PYDC5: variants seen among roughly 807,000 people sequenced by gnomAD.
PYDC5 encodes pyrin domain-containing protein 5.
At chr1:159,000,788 G>T in the PYDC5 span, among the ~76,000 whole-genome samples, 1 of 152,142 alleles carries the variant, frequency 6.6e-6, no homozygotes, top group Non-Finnish European at 1.5e-5. Flanking sequence ...TGGAGGTGGG[G>T]CTTGACGGGA....
At chr1:159,000,776 G>A in the PYDC5 span, among the ~76,000 whole-genome samples, 1 of 152,298 alleles carries the variant, frequency 6.6e-6, no homozygotes, top group African/African-American at 2.4e-5. Flanking sequence ...GATTCCCAGT[G>A]TTGGAGGTGG....
At chr1:159,000,645 A>G in the PYDC5 span, among the ~76,000 whole-genome samples, 19 of 152,224 alleles carry the variant, frequency 1.2e-4, no homozygotes, top group African/African-American at 3.9e-4. Flanking sequence ...TGTGCAATTT[A>G]AATTTTTTGA....
the PYDC5 span, among the ~76,000 whole-genome samples, chr1:159,001,578 T>G: frequency 6.6e-6 from 1 of 152,266 alleles, no homozygotes; most frequent in East Asian, 1.9e-4. Flanking sequence ...TTAAACTACA[T>G]GAACGCCCCT....
the PYDC5 span, among the ~76,000 whole-genome samples, chr1:159,001,336 T>G: frequency 6.6e-6 from 1 of 152,226 alleles, no homozygotes; most frequent in Non-Finnish European, 1.5e-5. Flanking sequence ...GTTTATGAGC[T>G]GAAGATAACC....
the PYDC5 span, among the ~76,000 whole-genome samples, chr1:159,000,999 A>G: frequency 6.6e-6 from 1 of 152,232 alleles, no homozygotes; most frequent in Non-Finnish European, 1.5e-5. Context: ...CTTAAGCACA[A>G]AAGGTGCAAG....
chr1:159,002,655 T>C, the PYDC5 span, among the ~76,000 whole-genome samples: 2 of 152,276 alleles, frequency 1.3e-5, no homozygotes, highest in African/African-American at 2.4e-5. Flanking sequence ...TTGCTATTTG[T>C]TTATTCTTTA....
chr1:159,001,145 A>G, the PYDC5 span, among the ~76,000 whole-genome samples: 1 of 152,212 alleles, frequency 6.6e-6, no homozygotes, highest in African/African-American at 2.4e-5. Flanking sequence ...TGTGTGTAGA[A>G]CTACATATTG....
the PYDC5 span, among the ~76,000 whole-genome samples, chr1:159,001,291 A>G: frequency 6.6e-6 from 1 of 152,342 alleles, no homozygotes; most frequent in African/African-American, 2.4e-5. Context: ...AGCAACCTAT[A>G]TGGTAGAGGA....
chr1:159,001,909 G>A, the PYDC5 span, among the ~76,000 whole-genome samples: 1 of 152,196 alleles, frequency 6.6e-6, no homozygotes, highest in African/African-American at 2.4e-5. Flanking sequence ...TGTCCCAGGG[G>A]TGTACACACT....
the PYDC5 span, among the ~76,000 whole-genome samples, chr1:159,002,489 CTTGT>C: frequency 6.6e-6 from 1 of 152,112 alleles, no homozygotes; most frequent in African/African-American, 2.4e-5. Context: ...CAGATTTCTG[CTTGT>C]TTTTTTCTAA....
the PYDC5 span, among the ~76,000 whole-genome samples, chr1:159,001,089 C>T: frequency 3.3e-5 from 5 of 152,254 alleles, no homozygotes; most frequent in South Asian, 2.1e-4. Context: ...AAACATAATA[C>T]TTCCAAATCC....
chr1:159,002,371 C>T, the PYDC5 span, among the ~76,000 whole-genome samples: 2 of 151,104 alleles, frequency 1.3e-5, no homozygotes, highest in Non-Finnish European at 2.9e-5. Flanking sequence ...CACCAACCCT[C>T]AGATATATAG....
chr1:159,000,335 G>C, the PYDC5 span: 9 of 227,644 alleles, frequency 4.0e-5, no homozygotes, highest in Non-Finnish European at 7.5e-5. Context: ...CAGCTTATAA[G>C]GGATCCAAAC....
the PYDC5 span, among the ~76,000 whole-genome samples, chr1:159,001,803 C>T: frequency 6.6e-6 from 1 of 152,118 alleles, no homozygotes; most frequent in Non-Finnish European, 1.5e-5. Context: ...CATTTTACTC[C>T]ATGATATCTG....
At chr1:159,001,638 T>TTG in the PYDC5 span, among the ~76,000 whole-genome samples, 1 of 152,170 alleles carries the variant, frequency 6.6e-6, no homozygotes, top group African/African-American at 2.4e-5. Context: ...TGAGCATCTA[T>TTG]TATATGCTAA....
At chr1:159,002,328 G>GA in the PYDC5 span, among the ~76,000 whole-genome samples, 643 of 146,706 alleles carry the variant, frequency 4.4e-3, 3 homozygotes, top group Admixed American at 7.6e-3. Context: ...AAAAAAGAAA[G>GA]AAAAAAAAAA....
the PYDC5 span, chr1:159,000,166 T>C: frequency 1.0e-5 from 2 of 199,162 alleles, no homozygotes; most frequent in Middle Eastern, 4.9e-4. Context: ...TTAAATCAAG[T>C]TGGCTACTCG....
the PYDC5 span, among the ~76,000 whole-genome samples, chr1:159,000,647 A>T: frequency 6.6e-6 from 1 of 152,190 alleles, no homozygotes; most frequent in Non-Finnish European, 1.5e-5. Context: ...TGCAATTTAA[A>T]TTTTTTGACA....
At chr1:159,001,637 A>G in the PYDC5 span, among the ~76,000 whole-genome samples, 4 of 152,160 alleles carry the variant, frequency 2.6e-5, no homozygotes, top group South Asian at 6.2e-4. Context: ...CTGAGCATCT[A>G]TTATATGCTA....
Sources: allele counts gnomAD v4.1 joint callset (sites outside exome capture counted in the v4.1 genomes callset), GRCh38; gene constraint gnomAD v4.1.1; transcripts MANE v1.5; gene names NCBI Gene and HGNC (gene_info 2026-07-23, HGNC 2026-07-21).